Variants in NMBR observed in about 807,000 individuals in gnomAD.
NMBR encodes the protein neuromedin B receptor.
In NMBR, 16 loss-of-function variants were observed where a neutral mutation model predicts 20.5. That is an observed-to-expected ratio of 0.78 (90% confidence interval 0.53 to 1.19). The LOEUF is 1.19. Among genes scored for constraint, NMBR ranks in the 50% most tolerant of loss-of-function variants. The pLI is 0.00. For missense variants in NMBR, 582 were observed against 499.1 expected (o/e 1.17, Z -1.58); for synonymous variants, 212 against 196.6 (o/e 1.08, Z -0.65).
chr6:142,084,399 T>C (rs1777160574), intron 2 of NMBR, among the ~76,000 whole-genome samples: 1 of 152,226 alleles, frequency 6.6e-6, no homozygotes, highest in Non-Finnish European at 1.5e-5. Flanking sequence ...TCAGATTTGG[T>C]ACAACATTAT....
chr6:142,131,453 A>G (rs1778140852), intron 1 of NMBR, among the ~76,000 whole-genome samples: 1 of 152,178 alleles, frequency 6.6e-6, no homozygotes, highest in Non-Finnish European at 1.5e-5. Flanking sequence ...GTCCTAAACA[A>G]TGCTTATGCA....
intron 1 of NMBR, among the ~76,000 whole-genome samples, chr6:142,106,070 T>A (rs1258070209): frequency 6.6e-6 from 1 of 152,160 alleles, no homozygotes; most frequent in Admixed American, 6.5e-5. Context: ...CTCCCTAATG[T>A]CTTCCCCAGT....
rs529317300 is a variant in NMBR, at chr6:142,093,145, AT to A, written c.-663-3825del. On this transcript the variant is annotated intron_variant, in intron 1 of 3. Coordinates refer to ENST00000258042, the MANE Select transcript of NMBR (RefSeq NM_002511.4). ...TGGTATCTTAGAACAAAACTTAAGAATTTTTTTTCTTTTTTTTTAATTATTC... is the reference window on the plus strand; with the variant it reads ...TGGTATCTTAGAACAAAACTTAAGAATTTTTTTCTTTTTTTTTAATTATTC... 1.2e-3 allele frequency among the ~76,000 whole-genome samples: 181 copies of A among 151,314 alleles called. 4 individuals are homozygous for A. In the South Asian group the frequency reaches 0.023, roughly 19 times the overall value.
chr6:142,080,911 T>C (rs74574151), intron 2 of NMBR, among the ~76,000 whole-genome samples: 2,128 of 152,304 alleles, frequency 0.014, 44 homozygotes, highest in South Asian at 0.068. Flanking sequence ...AAAATGTCAC[T>C]TCTCTACCTC....
At chr6:142,122,913 G>C (rs1777970235) in intron 1 of NMBR, among the ~76,000 whole-genome samples, 1 of 151,918 alleles carries the variant, frequency 6.6e-6, no homozygotes. Flanking sequence ...GAGGTACAAA[G>C]AGATTCATGT....
intron 2 of NMBR, among the ~76,000 whole-genome samples, chr6:142,083,685 G>T (rs1554211402): frequency 2.6e-5 from 4 of 151,794 alleles, no homozygotes; most frequent in Non-Finnish European, 5.9e-5. Flanking sequence ...TTCCCCCTTA[G>T]CTCTCTCTCT....
chr6:142,145,966 A>G (rs1778425326), intron 1 of NMBR, among the ~76,000 whole-genome samples: 1 of 152,190 alleles, frequency 6.6e-6, no homozygotes, highest in African/African-American at 2.4e-5. Flanking sequence ...TATAGAAAGA[A>G]AACAGTTATG....
At chr6:142,135,035 G>T (rs1778226867) in intron 1 of NMBR, 1 of 445,026 alleles carries the variant, frequency 2.2e-6, no homozygotes, top group Non-Finnish European at 4.0e-6. Flanking sequence ...TGAAATTTTT[G>T]TCTACTATAA....
chr6:142,079,058 AAG>A (rs750980226), intron 2 of NMBR, among the ~76,000 whole-genome samples, 155 bp from the exon 3 acceptor site: 1,527 of 124,712 alleles, frequency 0.012, 25 homozygotes, highest in Middle Eastern at 0.041. Flanking sequence ...GAAAGAGAGA[AAG>A]AGAGAGAGAA....
At chr6:142,119,845 G>A (rs763636222) in intron 1 of NMBR, among the ~76,000 whole-genome samples, 2 of 151,956 alleles carry the variant, frequency 1.3e-5, no homozygotes, top group South Asian at 2.1e-4. Context: ...ATTAATGACC[G>A]TATACTACTT....
chr6:142,121,328 A>T (rs1777940572), intron 1 of NMBR, among the ~76,000 whole-genome samples: 1 of 151,962 alleles, frequency 6.6e-6, no homozygotes, highest in Non-Finnish European at 1.5e-5. Flanking sequence ...TTCAAGCAAA[A>T]GAGTCACAGG....
At chr6:142,104,011 C>G (rs117429694) in intron 1 of NMBR, among the ~76,000 whole-genome samples, 162 of 152,236 alleles carry the variant, frequency 1.1e-3, no homozygotes, top group Non-Finnish European at 2.0e-3. Flanking sequence ...GCTTGTAAAG[C>G]TTTCAGAAAC....
At chr6:142,080,238 T>C (rs1777066500) in intron 2 of NMBR, among the ~76,000 whole-genome samples, 1 of 152,020 alleles carries the variant, frequency 6.6e-6, no homozygotes, top group Admixed American at 6.6e-5. Flanking sequence ...CTATAAGTTT[T>C]TTATGTTTTC....
intron 1 of NMBR, among the ~76,000 whole-genome samples, chr6:142,141,355 T>C (rs1408574473): frequency 1.3e-5 from 2 of 152,150 alleles, no homozygotes; most frequent in African/African-American, 2.4e-5. Flanking sequence ...AATTAAAAAC[T>C]ACTTTAAACA....
chr6:142,093,739 T>C (rs1402001821), intron 1 of NMBR, among the ~76,000 whole-genome samples: 2 of 152,104 alleles, frequency 1.3e-5, no homozygotes, highest in Non-Finnish European at 2.9e-5. Context: ...CTGACTTCCA[T>C]AATGGTTGAA....
chr6:142,122,788 G>C (rs924950101), intron 1 of NMBR, among the ~76,000 whole-genome samples: 1 of 151,778 alleles, frequency 6.6e-6, no homozygotes, highest in Non-Finnish European at 1.5e-5. Context: ...TTACAGTATA[G>C]TTTACTGAAT....
In NMBR at chr6:142,076,066, T is replaced by C. The variant is rs181967937; in HGVS notation, c.772-17A>G. On this transcript the variant is annotated splice_polypyrimidine_tract_variant and intron_variant, in intron 3 of 3. Transcript: ENST00000258042. ...TGTTTCCATCTGCAAATATAAGAAATTGATCCCATTGGTTAAAGTGAAAAT... is the reference window on the plus strand; with the variant it reads ...TGTTTCCATCTGCAAATATAAGAAACTGATCCCATTGGTTAAAGTGAAAAT... The C allele has an allele frequency of 2.7e-3, 4,164 of 1,545,006 alleles. 11 individuals carry two copies. Among genetic ancestry groups the C allele is most frequent in the Non-Finnish European group, 3.2e-3 (3,671 of 1,150,366 alleles).
rs914904359 is a variant in NMBR at position 142,136,870 on chromosome 6, C to G, written c.-664+10174G>C. Among the ~76,000 whole-genome samples, 74 of 152,238 alleles carry G rather than the reference C, an allele frequency of 4.9e-4. 1 individual carries two copies. Among genetic ancestry groups the G allele is most frequent in the Admixed American group, 3.6e-3 (55 of 15,290 alleles). ...ATTGATCTAGATCTCTGTTTTGGTA[C>G]CAGTACCATGCTGTTTTGGTTACTG... is the stretch of plus-strand genomic sequence containing the variant. On this transcript the variant is annotated intron_variant, in intron 1 of 3. Transcript: ENST00000258042.
At chr6:142,103,640 T>A (rs1217690355) in intron 1 of NMBR, among the ~76,000 whole-genome samples, 6 of 152,188 alleles carry the variant, frequency 3.9e-5, no homozygotes, top group African/African-American at 1.4e-4. Context: ...TTACATTTTT[T>A]AAAATACCAG....
Sources: gnomAD v4.1 joint callset for allele counts (sites outside exome capture counted in the v4.1 genomes callset) on GRCh38, gnomAD v4.1.1 for gene constraint, MANE v1.5 for transcripts, NCBI Gene and HGNC (gene_info 2026-07-23, HGNC 2026-07-21) for gene names.